KLHDC4: variants seen among roughly 807,000 people sequenced by gnomAD.
The protein encoded by KLHDC4 is kelch domain containing 4, also known as kelch domain-containing protein 4.
A neutral mutation model predicts 62.4 loss-of-function variants in KLHDC4; 90 were observed. The ratio of observed to expected loss-of-function variants is 1.44; its 90% CI spans 1.22 to 1.72. The LOEUF is 1.72. Among genes scored for constraint, KLHDC4 ranks in the 40% most tolerant of loss-of-function variants. KLHDC4 has a pLI of 0.00. For synonymous variants in KLHDC4, 386 were observed against 284.4 expected (o/e 1.36, Z -3.59); for missense variants, 1,025 against 699.7 (o/e 1.47, Z -5.25).
intron 7 of KLHDC4, among the ~76,000 whole-genome samples, chr16:87,721,414 TAAAAAAAAAA>T (rs1176744434): frequency 5.1e-5 from 4 of 78,900 alleles, no homozygotes; most frequent in African/African-American, 1.6e-4. Flanking sequence ...ACTCTGTCTC[TAAAAAAAAAA>T]AAAAAAAAAA....
chr16:87,699,215 G>C (rs1287727167), exon 1 of KLHDC4: 1 of 152,270 alleles, frequency 6.6e-6, no homozygotes, highest in East Asian at 1.9e-4. Flanking sequence ...TCTGCACACT[G>C]GATGGACTGG....
intron 1 of KLHDC4, 150 bp from the exon 2 acceptor site, chr16:87,762,190 G>C (rs1597429119): frequency 2.1e-6 from 3 of 1,440,602 alleles, no homozygotes; most frequent in South Asian, 2.9e-5. Context: ...GAAATGCAGA[G>C]TTTGACACAT....
chr16:87,709,771 A>G, intron 9 of KLHDC4, 104 bp from the exon 10 acceptor site: 1 of 1,324,688 alleles, frequency 7.5e-7, no homozygotes. Context: ...ACCACCCACA[A>G]GCGTGGGGAG....
chr16:87,743,935 C>T lies in KLHDC4; in HGVS notation c.506+4738G>A, dbSNP rs1055079478. On this transcript the variant is annotated intron_variant, in intron 5 of 11. Coordinates refer to ENST00000270583, the MANE Select transcript of KLHDC4 (RefSeq NM_017566.4). The stretch of plus-strand genomic sequence containing the variant: ...GTATGATGCTGTCACTGCCTAAATG[C>T]GATTTATCAGCAAACGCAATCCAGT... 5.3e-5 allele frequency among the ~76,000 whole-genome samples: 8 copies of T among 151,852 alleles called. No homozygotes were observed. The South Asian group carries it at 8.3e-4, about 16-fold the overall frequency.
chr16:87,760,234 T>TA lies in KLHDC4; in HGVS notation c.191+1714dup, dbSNP rs559070076. On this transcript the variant is annotated intron_variant, in intron 2 of 11. Transcript: ENST00000270583. ...TTATGGAAAAATTCTAAAATATCAT[T>TA]AAAAAAAAAAAAAAAGAAAAAGGCC... is the stretch of plus-strand genomic sequence containing the variant. Among the ~76,000 whole-genome samples, 527 of 109,882 alleles carry TA rather than the reference T, an allele frequency of 4.8e-3. 1 individual carries two copies. Among genetic ancestry groups the TA allele is most frequent in the Middle Eastern group, 0.023 (5 of 222 alleles). 72.1% of individuals were successfully genotyped at this position (109,882 alleles called of 152,430 possible). A position where few individuals can be genotyped will look rare whatever the true frequency, so the allele number is the denominator to read the frequency against.
chr16:87,705,243 A>G (rs1167314388), downstream of KLHDC4, among the ~76,000 whole-genome samples: 1 of 152,240 alleles, frequency 6.6e-6, no homozygotes, highest in Non-Finnish European at 1.5e-5. Context: ...CTCACGCCCT[A>G]CGGTGGCTAT....
intron 5 of KLHDC4, among the ~76,000 whole-genome samples, chr16:87,746,379 G>C (rs533909842): frequency 1.3e-5 from 2 of 151,600 alleles, no homozygotes; most frequent in East Asian, 1.9e-4. Flanking sequence ...GAGCGAGAAA[G>C]AGAGAAAGAG....
rs372830849 is a variant in KLHDC4, at chr16:87,761,999, A to G, written c.141T>C (p.Asp47=). The G allele has an allele frequency of 5.6e-6, 9 of 1,613,926 alleles. No homozygotes were observed. The African/African-American group carries it at 1.2e-4, about 22-fold the overall frequency. Reference sequence around the variant, plus strand: ...GTTCCACAGTCTGAGTCCTCTTGGCATCGAGTGTCTGGAAATGGGCTATGA... The same window carrying G: ...GTTCCACAGTCTGAGTCCTCTTGGCGTCGAGTGTCTGGAAATGGGCTATGA... ...EALIAHFQTL[D]AKRTQTVELP... is the part of the protein sequence containing the mutation. The change falls in exon 2 of 12, where the codon GAT becomes GAC. Residue 47 remains aspartate, a synonymous_variant. Coordinates refer to ENST00000270583, the MANE Select transcript of KLHDC4 (RefSeq NM_017566.4).
chr16:87,762,520 C>A (rs1354591462), intron 1 of KLHDC4, among the ~76,000 whole-genome samples: 1 of 152,266 alleles, frequency 6.6e-6, no homozygotes, highest in Non-Finnish European at 1.5e-5. Context: ...TTCCTGTCTG[C>A]TGAGCAGTGT....
intron 4 of KLHDC4, among the ~76,000 whole-genome samples, chr16:87,753,285 C>T (rs779304832): frequency 1.2e-4 from 18 of 152,200 alleles, no homozygotes; most frequent in Non-Finnish European, 1.5e-4. Flanking sequence ...TCTTCTGATG[C>T]TGAGAACTAT....
intron 7 of KLHDC4, among the ~76,000 whole-genome samples, chr16:87,718,340 TCCTCCCCCTCC>T (rs1373771043): frequency 0.018 from 325 of 18,254 alleles, 5 homozygotes; most frequent in African/African-American, 0.061. Flanking sequence ...CCTCCCCCTC[TCCTCCCCCTCC>T]CCCTCCCTCT....
In KLHDC4 at chr16:87,738,428, C is replaced by T. The variant is rs537130288; in HGVS notation, c.507-7784G>A. On this transcript the variant is annotated intron_variant, in intron 5 of 11. Coordinates refer to ENST00000270583, the MANE Select transcript of KLHDC4 (RefSeq NM_017566.4). ...AGTACCGATCATCTCCCAAGTGCTC[C>T]GGTGCATACAAAGATGTATGCACTG... is the stretch of plus-strand genomic sequence containing the variant. 8.5e-4 allele frequency among the ~76,000 whole-genome samples: 129 copies of T among 152,234 alleles called. 1 individual carries two copies. The South Asian group carries it at 8.7e-3, about 10-fold the overall frequency.
chr16:87,706,437 G>A (rs1288382031), downstream of KLHDC4, among the ~76,000 whole-genome samples: 1 of 148,208 alleles, frequency 6.7e-6, no homozygotes, highest in Admixed American at 6.7e-5. Flanking sequence ...AGGGGGGTCG[G>A]CGGAGGGGGC....
rs1289175535 is a variant in KLHDC4 at position 87,726,703 on chromosome 16, A to G, written c.759+62T>C. 6.1e-5 allele frequency: 49 copies of G among 800,756 alleles called. 1 individual carries two copies. Among genetic ancestry groups the G allele is most frequent in the South Asian group, 2.7e-4 (8 of 29,738 alleles). 49.6% of individuals were successfully genotyped at this position (800,756 alleles called of 1,614,324 possible). On this transcript the variant is annotated intron_variant, in intron 7 of 11. Transcript: ENST00000270583. ...CACCCCGCGCCTCGCCCGTCTCCCCACCCCGCGCCTCGCCTGTTTCCCGGT... is the reference window on the plus strand; with the variant it reads ...CACCCCGCGCCTCGCCCGTCTCCCCGCCCCGCGCCTCGCCTGTTTCCCGGT...
chr16:87,714,685 A>G (rs1217666723), intron 7 of KLHDC4, 112 bp from the exon 8 acceptor site: 1 of 1,104,796 alleles, frequency 9.1e-7, no homozygotes, highest in African/African-American at 1.5e-5. Context: ...CCTTCCCTGT[A>G]GACCAGCCCC....
chr16:87,708,823 G>A (rs755661930), intron 10 of KLHDC4, among the ~76,000 whole-genome samples: 3 of 152,210 alleles, frequency 2.0e-5, no homozygotes, highest in Non-Finnish European at 4.4e-5. Flanking sequence ...TTTTGCTTTA[G>A]TCTCAGATCT....
At chr16:87,743,076 G>T (rs1014090305) in intron 5 of KLHDC4, 1 of 152,270 alleles carries the variant, frequency 6.6e-6, no homozygotes, top group East Asian at 1.9e-4. Flanking sequence ...CAGACATGAG[G>T]TCAAAGACTT....
At chr16:87,715,315 T>C (rs541172248) in intron 7 of KLHDC4, among the ~76,000 whole-genome samples, 2 of 152,314 alleles carry the variant, frequency 1.3e-5, no homozygotes, top group East Asian at 3.9e-4. Context: ...ATTGAGACGA[T>C]AGTACCGAGA....
intron 5 of KLHDC4, 124 bp downstream of exon 5, chr16:87,748,549 T>C (rs1422351838): frequency 7.9e-6 from 10 of 1,260,328 alleles, no homozygotes; most frequent in Non-Finnish European, 4.5e-6. Flanking sequence ...GAGGCTGGGC[T>C]CCAGGACTGT....
Sources: gnomAD v4.1 joint callset for allele counts (sites outside exome capture counted in the v4.1 genomes callset) on GRCh38, gnomAD v4.1.1 for gene constraint, MANE v1.5 for transcripts, NCBI Gene and HGNC (gene_info 2026-07-23, HGNC 2026-07-21) for gene names.